TTN: variants seen among roughly 807,000 people sequenced by gnomAD.
TTN encodes the protein connectin.
A neutral mutation model predicts 3,223.0 loss-of-function variants in TTN; 1,525 were observed. The observed-to-expected ratio is 0.47, with a 90% confidence interval of 0.45 to 0.49. TTN has a LOEUF of 0.49. Ranked by LOEUF, TTN falls within the 20% of genes least tolerant of loss-of-function variation. The pLI, the probability that TTN is intolerant of heterozygous loss-of-function variation, is 0.00. For synonymous variants in TTN, 14,094 were observed against 15,161.0 expected, an observed-to-expected ratio of 0.93 and a Z score of 5.17; for missense variants, 40,786 against 43,424.0, an observed-to-expected ratio of 0.94 and a Z score of 5.40.
In TTN at chr2:178,697,121, CT is replaced by C; in HGVS notation, c.30801del (p.Ala10268LeufsTer14). ...PPPPTTLIPA[K>X]APEIIDVSSK... ...ATAAAAATAATTTATCTTTATTTAC[CT>C]TTTGCTGGAATTAAGGTAGTAGGAG... is the stretch of plus-strand genomic sequence containing the variant. On this transcript the variant is annotated frameshift_variant and splice_region_variant, in exon 113 of 363. Coordinates refer to ENST00000589042, the MANE Select transcript of TTN (RefSeq NM_001267550.2). LOFTEE classifies it high-confidence loss of function. 2 of 1,547,440 alleles carry C rather than the reference CT, an allele frequency of 1.3e-6. No individual in the cohort carries two copies. The highest frequency in any genetic ancestry group is 1.2e-5 in the South Asian group (1 of 83,266).
Position 178,565,318 on chromosome 2 carries a change from G to C in TTN, c.80814C>G (p.His26938Gln), listed in dbSNP as rs1173826868. The C allele has an allele frequency of 7.4e-6, 12 of 1,613,578 alleles. No individual in the cohort carries two copies. Among genetic ancestry groups the C allele is most frequent in the Non-Finnish European group, 1.0e-5 (12 of 1,179,654 alleles). Residue 26938 changes from histidine (H) to glutamine (Q), a missense_variant, in exon 326 of 363, where the codon CAC becomes CAG. His to Gln is a conservative substitution (Grantham distance 24). Transcript: ENST00000589042. The stretch of plus-strand genomic sequence containing the variant: ...AGTCATCTTTGTTACCTTCTTTAAT[G>C]TGCAAAACAGTTGAGGTAGCTGTTT... ...VEETATSTVL[H>Q]IKEGNKDDFG...
intron 149 of TTN, 29 bp downstream of exon 149, chr2:178,675,642 A>G (rs1192024466): frequency 2.5e-5 from 34 of 1,384,174 alleles, no homozygotes; most frequent in Non-Finnish European, 3.2e-5. Context: ...TCGGTGCAGC[A>G]AACATATCCC....
chr2:178,549,296 T>G lies in TTN; in HGVS notation c.92330A>C (p.Glu30777Ala). The G allele has an allele frequency of 6.2e-7, 1 of 1,613,972 alleles. No homozygotes were observed. Among genetic ancestry groups the G allele is most frequent in the African/African-American group, 1.3e-5 (1 of 75,050 alleles). The change falls in exon 339 of 363, where the codon GAA (glutamate) becomes GCA (alanine). Residue 30777 changes from glutamate to alanine, a missense_variant. Glu to Ala is a moderately radical substitution (Grantham distance 107). Coordinates refer to ENST00000589042, the MANE Select transcript of TTN (RefSeq NM_001267550.2). Reference sequence around the variant, plus strand: ...CAGACCAGTGACTTTGAATCTTGTTTCAGAGATTGGTCGTTTGCTGATCAC... The same window carrying G: ...CAGACCAGTGACTTTGAATCTTGTTGCAGAGATTGGTCGTTTGCTGATCAC... ...VKVISKRPIS[E>A]TRFKVTGLTE... is the part of the protein sequence containing the mutation.
At position 178,732,498 on chromosome 2, in the gene TTN, T is replaced by G. The variant is rs886055297; in HGVS notation, c.16563A>C (p.Thr5521=). 2 of 1,613,562 alleles carry G rather than the reference T, an allele frequency of 1.2e-6. No individual in the cohort carries two copies. Among genetic ancestry groups the G allele is most frequent in the Non-Finnish European group, 1.7e-6 (2 of 1,179,716 alleles). The part of the protein sequence containing the change: ...LVKTSDSGTY[T]CKVSNVAGGV... ...CTCCAGCGACATTGCTGACTTTACA[T>G]GTGTACGTGCCCGAATCAGAGGTTT... Residue 5521 remains threonine (T), a synonymous_variant, in exon 56 of 363, where the codon ACA becomes ACC. Transcript: ENST00000589042.
chr2:178,632,407 C>G lies in TTN; in HGVS notation c.43487G>C (p.Arg14496Pro). ...TTTGAGAGGGGTGAGGAATTTGAGC[C>G]GGATTCCTATCAAGAAAAAAAAGAA... is the stretch of plus-strand genomic sequence containing the variant. ...TSGKLIIEGI[R>P]LKFLTPLKDV... Residue 14496 changes from arginine (R) to proline (P), a missense_variant, in exon 236 of 363, where the codon CGG (arginine) becomes CCG (proline). Arg to Pro is a moderately radical substitution (Grantham distance 103). Transcript: ENST00000589042. 6.3e-7 allele frequency: 1 copy of G among 1,580,172 alleles called. No homozygotes were observed. The highest frequency in any genetic ancestry group is 2.3e-5 in the East Asian group (1 of 44,160).
chr2:178,724,211 T>C (rs1453397635), intron 72 of TTN, 49 bp downstream of exon 72: 1 of 1,584,240 alleles, frequency 6.3e-7, no homozygotes, highest in Admixed American at 1.8e-5. Context: ...AGAAGGAAAC[T>C]TGTAAAAGGA....
intron 146 of TTN, 44 bp from the exon 147 acceptor site, chr2:178,677,331 T>G: frequency 5.5e-6 from 3 of 548,064 alleles, no homozygotes; most frequent in Non-Finnish European, 7.2e-6. Flanking sequence ...CACATATACA[T>G]GGTCATATAT....
intron 62 of TTN, 66 bp downstream of exon 62, chr2:178,730,027 G>GCCCAC: frequency 7.5e-6 from 6 of 803,144 alleles, no homozygotes; most frequent in Non-Finnish European, 1.2e-5. Context: ...AGCGTCCCCC[G>GCCCAC]CCCCGGCCCA....
chr2:178,615,608 G>A, intron 258 of TTN, 33 bp downstream of exon 258: 1 of 1,610,874 alleles, frequency 6.2e-7, no homozygotes, highest in Non-Finnish European at 8.5e-7. Context: ...CAGGCAACAA[G>A]ATTAGGTAAG....
At chr2:178,701,700 A>T in intron 109 of TTN, 113 bp from the exon 110 acceptor site, 1 of 1,033,234 alleles carries the variant, frequency 9.7e-7, no homozygotes, top group Non-Finnish European at 1.5e-6. Flanking sequence ...ATCTAATGGC[A>T]GAATCTAATA....
In TTN at chr2:178,602,106, C is replaced by G; in HGVS notation, c.55165G>C (p.Val18389Leu). Reference sequence around the variant, plus strand: ...CTAATCTGTGAGCCAGCTTTACAAACCAGACAGTCCTGTGCTCCAATGTCA... The same window carrying G: ...CTAATCTGTGAGCCAGCTTTACAAAGCAGACAGTCCTGTGCTCCAATGTCA... ...FIDIGAQDCL[V>L]CKAGSQIRIP... The change falls in exon 284 of 363, where the codon GTT becomes CTT. Residue 18389 changes from valine to leucine, a missense_variant. Coordinates refer to ENST00000589042, the MANE Select transcript of TTN (RefSeq NM_001267550.2). The G allele has an allele frequency of 1.2e-6, 2 of 1,612,414 alleles. No individual in the cohort carries two copies. The highest frequency in any genetic ancestry group is 1.7e-6 in the Non-Finnish European group (2 of 1,179,062).
chr2:178,615,034 T>A, intron 259 of TTN, 66 bp from the exon 260 acceptor site: 1 of 1,392,424 alleles, frequency 7.2e-7, no homozygotes, highest in Non-Finnish European at 9.8e-7. Flanking sequence ...GTAGTACTCA[T>A]AATCTTTCAA....
Position 178,617,343 on chromosome 2 carries a change from G to T in TTN, c.47742C>A (p.Val15914=), listed in dbSNP as rs1199519223. The change falls in exon 254 of 363, where the codon GTC becomes GTA. Residue 15914 remains valine (V), a synonymous_variant. Transcript: ENST00000589042. Reference sequence around the variant, plus strand: ...GACCTACCTTGTAAGTCAGTTCAGGGACAAGTTTCATATTGCAACGAATCC... The same window carrying T: ...GACCTACCTTGTAAGTCAGTTCAGGTACAAGTTTCATATTGCAACGAATCC... The part of the protein sequence containing the change: ...DNWIRCNMKL[V]PELTYKVTGL... 1 of 1,581,506 alleles carries T rather than the reference G, an allele frequency of 6.3e-7. No homozygotes were observed. Among genetic ancestry groups the T allele is most frequent in the East Asian group, 2.3e-5 (1 of 44,004 alleles).
In TTN at chr2:178,724,451, G is replaced by A. The variant is rs374493881; in HGVS notation, c.20924C>T (p.Pro6975Leu). ...CTLECKVAGT[P>L]ELSVEWYKDG... is the part of the protein sequence containing the mutation. ...CTTGTACCATTCAACAGAGAGTTCCGGAGTGCCAGCCACCTTACACTCCAG... is the reference window on the plus strand; with the variant it reads ...CTTGTACCATTCAACAGAGAGTTCCAGAGTGCCAGCCACCTTACACTCCAG... Residue 6975 changes from proline (P) to leucine (L), a missense_variant, in exon 72 of 363, where the codon CCG becomes CTG. Coordinates refer to ENST00000589042, the MANE Select transcript of TTN (RefSeq NM_001267550.2). The A allele has an allele frequency of 2.5e-5, 41 of 1,613,184 alleles. No homozygotes were observed. The highest frequency in any genetic ancestry group is 2.4e-4 in the African/African-American group (18 of 74,862).
At position 178,773,867 on chromosome 2, in the gene TTN, A is replaced by C. The variant is rs774798625; in HGVS notation, c.7301T>G (p.Leu2434Arg). 7 of 1,613,974 alleles carry C rather than the reference A, an allele frequency of 4.3e-6. No homozygotes were observed. The African/African-American group carries it at 9.3e-5, about 22-fold the overall frequency. Residue 2434 changes from leucine to arginine, a missense_variant, in exon 31 of 363, where the codon CTC (leucine) becomes CGC (arginine). Physicochemically the swap from Leu to Arg is moderately radical, Grantham distance 102. Coordinates refer to ENST00000589042, the MANE Select transcript of TTN (RefSeq NM_001267550.2). ...GACAGAGACACGCCCACTGGTGGAG[A>C]GGCCAAGGGCTGGAATGGTGAAAGA... Reference protein sequence around the residue: ...NYSFTIPALGLSTSGRVSVYS... With the variant: ...NYSFTIPALGRSTSGRVSVYS...
In TTN at chr2:178,604,035, G is replaced by A. The variant is rs775367836; in HGVS notation, c.54652C>T (p.Arg18218Ter). ...EGSPYWSRVS[R>*]APITKVGLKG... ...AATCCCACTTTGGTTATTGGTGCTC[G>A]GCTAACACGTGACCAATAAGGACTT... The change falls in exon 282 of 363, where the codon CGA becomes TGA. Residue 18218 changes from arginine to a stop codon, truncating the protein, a stop_gained. Transcript: ENST00000589042. LOFTEE classifies it high-confidence loss of function. The A allele has an allele frequency of 2.5e-6, 4 of 1,612,710 alleles. No homozygotes were observed. The highest frequency in any genetic ancestry group is 3.4e-6 in the Non-Finnish European group (4 of 1,179,186).
Position 178,688,147 on chromosome 2 carries a change from C to G in TTN, c.32275G>C (p.Glu10759Gln). ...SISVYREEER[E>Q]EEEEAEVTEY... ...GTAACCTCTGCTTCTTCCTCCTCCT[C>G]TCTTTCTTCTTCTCTATAAACTGAA... Residue 10759 changes from glutamate (E) to glutamine (Q), a missense_variant, in exon 127 of 363, where the codon GAG becomes CAG. Glu to Gln is a conservative substitution (Grantham distance 29). Transcript: ENST00000589042. The G allele has an allele frequency of 2.5e-6, 4 of 1,613,028 alleles. No individual in the cohort carries two copies. The highest frequency in any genetic ancestry group is 2.2e-5 in the East Asian group (1 of 44,856).
At position 178,684,661 on chromosome 2, in the gene TTN, T is replaced by A. The variant is rs1304262298; in HGVS notation, c.32638+5A>T. ...CTAGTTTTTCTGCTGGGGAGGTTTG[T>A]TTACCTTTGGCTGGGAGAGGTTCTT... is the stretch of plus-strand genomic sequence containing the variant. On this transcript the variant is annotated splice_donor_5th_base_variant and intron_variant, in intron 131 of 362. Coordinates refer to ENST00000589042, the MANE Select transcript of TTN (RefSeq NM_001267550.2). 2 of 1,603,138 alleles carry A rather than the reference T, an allele frequency of 1.2e-6. No individual in the cohort carries two copies. Among genetic ancestry groups the A allele is most frequent in the African/African-American group, 2.7e-5 (2 of 73,734 alleles).
rs2076618020 is a variant in TTN at position 178,711,287 on chromosome 2, G to T, written c.27949C>A (p.Pro9317Thr). The change falls in exon 97 of 363, where the codon CCA (proline) becomes ACA (threonine). Residue 9317 changes from proline to threonine, a missense_variant. Physicochemically the swap from Pro to Thr is conservative, Grantham distance 38. Transcript: ENST00000589042. ...CTTATGGCACAATCAAAAACAACTG[G>T]CAGTCCAACTGTTTCTTGAACATCT... ...LRDVQETVGL[P>T]VVFDCAISGS... 6.2e-7 allele frequency: 1 copy of T among 1,613,592 alleles called. No homozygotes were observed. The highest frequency in any genetic ancestry group is 2.2e-5 in the East Asian group (1 of 44,880).
Sources: gnomAD v4.1 joint callset for allele counts on GRCh38, gnomAD v4.1.1 for gene constraint, MANE v1.5 for transcripts, NCBI Gene and HGNC (gene_info 2026-07-23, HGNC 2026-07-21) for gene names.